Variants in CDH13 observed in about 807,000 individuals in gnomAD.
The protein encoded by CDH13 is cadherin 13.
Under a neutral mutation model 63.8 loss-of-function variants are expected in CDH13, and 24 were observed. That is an observed-to-expected ratio of 0.38 (90% CI 0.27 to 0.53). The LOEUF is 0.53. Ranked by LOEUF, CDH13 falls within the 20% of genes least tolerant of loss-of-function variation. The pLI, the probability that CDH13 is intolerant of heterozygous loss-of-function variation, is 0.85. For synonymous variants in CDH13, 503 were observed against 355.3 expected, an observed-to-expected ratio of 1.42 and a Z score of -4.67; for missense variants, 1,049 against 903.1, an observed-to-expected ratio of 1.16 and a Z score of -2.07.
intron 5 of CDH13, among the ~76,000 whole-genome samples, chr16:83,326,297 A>T (rs2090359606): frequency 6.6e-6 from 1 of 152,152 alleles, no homozygotes; most frequent in Non-Finnish European, 1.5e-5. Context: ...TACTTCTTCT[A>T]TCCCATCACT....
At chr16:83,564,367 C>A (rs1375479997) in intron 7 of CDH13, among the ~76,000 whole-genome samples, 1 of 145,962 alleles carries the variant, frequency 6.9e-6, no homozygotes, top group East Asian at 2.0e-4. Flanking sequence ...GGAGGGGCTG[C>A]TTCTTGAAAA....
At chr16:83,086,717 T>C (rs1597307658) in intron 3 of CDH13, among the ~76,000 whole-genome samples, 1 of 152,174 alleles carries the variant, frequency 6.6e-6, no homozygotes, top group East Asian at 1.9e-4. Context: ...ACCACCAGTC[T>C]CAAATTCAGT....
At chr16:83,778,275 A>AT (rs1311212680) in intron 11 of CDH13, among the ~76,000 whole-genome samples, 19 of 152,354 alleles carry the variant, frequency 1.2e-4, no homozygotes, top group African/African-American at 4.6e-4. Context: ...CATGCCTGTA[A>AT]TCCCAACACA....
At chr16:82,887,273 A>G (rs1052571321) in intron 2 of CDH13, among the ~76,000 whole-genome samples, 8 of 152,194 alleles carry the variant, frequency 5.3e-5, no homozygotes, top group Non-Finnish European at 1.2e-4. Flanking sequence ...CAAAAGTAGT[A>G]AGAGTCTAAT....
intron 6 of CDH13, among the ~76,000 whole-genome samples, chr16:83,376,400 C>T (rs1354307196): frequency 1.3e-5 from 2 of 152,034 alleles, no homozygotes; most frequent in East Asian, 1.9e-4. Flanking sequence ...GAATGGTGGT[C>T]GCTTAAGGGA....
intron 6 of CDH13, among the ~76,000 whole-genome samples, chr16:83,476,457 G>A (rs966310024): frequency 2.0e-5 from 3 of 152,202 alleles, no homozygotes; most frequent in Admixed American, 1.3e-4. Context: ...CAGATCACTC[G>A]AGGTCGGGAG....
At chr16:82,749,645 T>C (rs1218777285) in intron 1 of CDH13, among the ~76,000 whole-genome samples, 2 of 152,244 alleles carry the variant, frequency 1.3e-5, no homozygotes, top group Admixed American at 1.3e-4. Context: ...TCCCTACTTC[T>C]GAGTTTCCAT....
chr16:83,053,879 A>T lies in CDH13; in HGVS notation c.366+21661A>T, dbSNP rs114752492. ...CCGGGTACCTGAAACCTCTGATAGT[A>T]GCAAAGTCTGTGTATGTATATAGTC... On this transcript the variant is annotated intron_variant, in intron 3 of 13. Coordinates refer to ENST00000567109, the MANE Select transcript of CDH13 (RefSeq NM_001257.5). Among the ~76,000 whole-genome samples, 1,009 of 152,308 alleles carry T rather than the reference A, an allele frequency of 6.6e-3. 16 individuals are homozygous for T. Among genetic ancestry groups the T allele is most frequent in the African/African-American group, 0.022 (898 of 41,566 alleles).
chr16:83,206,922 A>G (rs2039199862), intron 4 of CDH13, among the ~76,000 whole-genome samples: 1 of 152,194 alleles, frequency 6.6e-6, no homozygotes, highest in Non-Finnish European at 1.5e-5. Context: ...GGTTAAACAA[A>G]CAAACACATT....
At chr16:83,420,689 T>C (rs1310507079) in intron 6 of CDH13, among the ~76,000 whole-genome samples, 2 of 152,214 alleles carry the variant, frequency 1.3e-5, no homozygotes, top group African/African-American at 4.8e-5. Flanking sequence ...CAAGGTAAAG[T>C]CCCACTATAG....
chr16:82,691,720 G>T (rs1024899992), intron 1 of CDH13, among the ~76,000 whole-genome samples: 3 of 152,166 alleles, frequency 2.0e-5, no homozygotes, highest in African/African-American at 7.2e-5. Context: ...CTTCAGAAGA[G>T]GCTAATGGAG....
At chr16:82,966,503 T>C (rs1373238265) in intron 2 of CDH13, among the ~76,000 whole-genome samples, 1 of 152,208 alleles carries the variant, frequency 6.6e-6, no homozygotes, top group Non-Finnish European at 1.5e-5. Context: ...AAATAACATA[T>C]CTGAGTTCAT....
chr16:82,681,639 C>T (rs750490253), intron 1 of CDH13, among the ~76,000 whole-genome samples: 21 of 152,340 alleles, frequency 1.4e-4, no homozygotes, highest in Non-Finnish European at 1.0e-4. Context: ...AGCGGATGCT[C>T]CTGGTGCCCC....
chr16:83,300,400 T>A (rs1446258620), intron 5 of CDH13, among the ~76,000 whole-genome samples: 1 of 152,268 alleles, frequency 6.6e-6, no homozygotes, highest in Non-Finnish European at 1.5e-5. Flanking sequence ...CATACAGTTC[T>A]GTGTCAATAT....
chr16:82,837,768 T>C (rs1279082301), intron 1 of CDH13, among the ~76,000 whole-genome samples: 4 of 152,174 alleles, frequency 2.6e-5, no homozygotes, highest in Non-Finnish European at 5.9e-5. Context: ...GCCTGATACA[T>C]AGCAACATTC....
chr16:83,219,582 A>G (rs979498757), intron 5 of CDH13, among the ~76,000 whole-genome samples: 3 of 152,236 alleles, frequency 2.0e-5, no homozygotes, highest in Non-Finnish European at 2.9e-5. Context: ...ATGGGTGACA[A>G]TAATCAATGA....
intron 6 of CDH13, among the ~76,000 whole-genome samples, chr16:83,467,420 C>T (rs73601990): frequency 0.02 from 3,058 of 152,186 alleles, 96 homozygotes; most frequent in African/African-American, 0.07. Flanking sequence ...CACTTTGCTG[C>T]GTTTCTGAAA....
At chr16:82,710,392 G>T (rs59542100) in intron 1 of CDH13, among the ~76,000 whole-genome samples, 5 of 145,450 alleles carry the variant, frequency 3.4e-5, no homozygotes, top group African/African-American at 1.0e-4. Flanking sequence ...AATTAGCTGC[G>T]CATGGTGGTG....
At chr16:83,326,967 A>C (rs1034683200) in intron 5 of CDH13, among the ~76,000 whole-genome samples, 5 of 152,220 alleles carry the variant, frequency 3.3e-5, no homozygotes, top group Admixed American at 2.6e-4. Context: ...TCATCCGGCC[A>C]CAGTCATGTC....
Sources: allele counts gnomAD v4.1 joint callset (sites outside exome capture counted in the v4.1 genomes callset), GRCh38; gene constraint gnomAD v4.1.1; transcripts MANE v1.5; gene names NCBI Gene and HGNC (gene_info 2026-07-23, HGNC 2026-07-21).